Variants in ADAMTS20 observed in about 807,000 individuals in gnomAD.
ADAMTS20 encodes the protein ADAM metallopeptidase with thrombospondin type 1 motif 20, also known as A disintegrin and metalloproteinase with thrombospondin motifs 20.
Under a neutral mutation model 260.1 loss-of-function variants are expected in ADAMTS20, and 225 were observed. The ratio of observed to expected loss-of-function variants is 0.87; its 90% CI spans 0.78 to 0.97. ADAMTS20 has a LOEUF of 0.97. Ranked by LOEUF, ADAMTS20 falls within the 50% of genes least tolerant of loss-of-function variation. ADAMTS20 has a pLI of 0.00. For synonymous variants in ADAMTS20, 802 were observed against 769.5 expected, an observed-to-expected ratio of 1.04 and a Z score of -0.70; for missense variants, 2,400 against 2,337.7, an observed-to-expected ratio of 1.03 and a Z score of -0.55.
At chr12:43,390,167 C>A (rs550399671) in intron 29 of ADAMTS20, among the ~76,000 whole-genome samples, 1 of 152,288 alleles carries the variant, frequency 6.6e-6, no homozygotes, top group East Asian at 1.9e-4. Context: ...GCACTCTGGG[C>A]CTATGCAATC....
chr12:43,434,437 T>G, intron 18 of ADAMTS20, 66 bp from the exon 19 acceptor site: 1 of 1,485,386 alleles, frequency 6.7e-7, no homozygotes, highest in Non-Finnish European at 9.0e-7. Context: ...TCCATAATTA[T>G]GTAATTCTGC....
intron 28 of ADAMTS20, among the ~76,000 whole-genome samples, chr12:43,403,545 T>G (rs1230176327): frequency 6.6e-6 from 1 of 152,152 alleles, no homozygotes; most frequent in Non-Finnish European, 1.5e-5. Flanking sequence ...ATGCATAAAC[T>G]GTGCCCTTTA....
intron 36 of ADAMTS20, among the ~76,000 whole-genome samples, chr12:43,371,071 A>T (rs563935545): frequency 6.6e-6 from 1 of 152,152 alleles, no homozygotes; most frequent in Non-Finnish European, 1.5e-5. Context: ...TTTAGTATGC[A>T]CTGTTCTTCA....
chr12:43,484,373 T>C (rs1942488815), intron 7 of ADAMTS20, among the ~76,000 whole-genome samples: 2 of 152,102 alleles, frequency 1.3e-5, no homozygotes, highest in Admixed American at 1.3e-4. Flanking sequence ...AAAAGGTTGA[T>C]TATTAAGTAA....
chr12:43,468,824 CT>C (rs1942201883), intron 7 of ADAMTS20, 119 bp from the exon 8 acceptor site: 12 of 574,704 alleles, frequency 2.1e-5, no homozygotes, highest in Non-Finnish European at 3.6e-5. Flanking sequence ...GCAGAATTGG[CT>C]GTTAATATTG....
At chr12:43,517,879 T>C (rs560988746) in intron 3 of ADAMTS20, among the ~76,000 whole-genome samples, 3 of 152,252 alleles carry the variant, frequency 2.0e-5, no homozygotes, top group African/African-American at 7.2e-5. Context: ...TAGATACTTC[T>C]TGAATAAATG....
rs548990302 is a variant in ADAMTS20 at position 43,517,654 on chromosome 12, CTT to C, written c.613+14380_613+14381del. 7.2e-5 allele frequency among the ~76,000 whole-genome samples: 11 copies of C among 152,118 alleles called. No individual in the cohort carries two copies. The South Asian group carries it at 2.3e-3, about 32-fold the overall frequency. On this transcript the variant is annotated intron_variant, in intron 3 of 38. Coordinates refer to ENST00000389420, the MANE Select transcript of ADAMTS20 (RefSeq NM_025003.5). ...ACTCAATGAAGTACAATAGATATCT[CTT>C]TTTTTCTTTTGGGAAACAAGATGAT...
intron 7 of ADAMTS20, 109 bp downstream of exon 7, chr12:43,490,282 ATAAT>A (rs764192326): frequency 8.9e-6 from 5 of 564,266 alleles, no homozygotes; most frequent in South Asian, 4.8e-5. Flanking sequence ...ATTTATCAAG[ATAAT>A]TAATCAAAAT....
intron 2 of ADAMTS20, among the ~76,000 whole-genome samples, chr12:43,543,844 G>T (rs1275879385): frequency 6.6e-6 from 1 of 152,000 alleles, no homozygotes; most frequent in Non-Finnish European, 1.5e-5. Context: ...ACATAAAATT[G>T]GTTTGCGTCA....
rs1943226740 is a variant in ADAMTS20 at position 43,531,947 on chromosome 12, T to C, written c.613+89A>G. ...AAATTAATTAAAAATAAATAAAATA[T>C]TGAAGGGAAATATATAAATTATAAC... On this transcript the variant is annotated intron_variant, in intron 3 of 38. Coordinates refer to ENST00000389420, the MANE Select transcript of ADAMTS20 (RefSeq NM_025003.5). 4.7e-6 allele frequency: 4 copies of C among 850,930 alleles called. No individual in the cohort carries two copies. In the South Asian group the frequency reaches 1.8e-4, roughly 38 times the overall value. 52.7% of individuals were successfully genotyped at this position (850,930 alleles called of 1,614,324 possible). A position where few individuals can be genotyped will look rare whatever the true frequency, so the allele number is the denominator to read the frequency against.
At chr12:43,445,045 C>T (rs961148932) in intron 15 of ADAMTS20, among the ~76,000 whole-genome samples, 1 of 152,212 alleles carries the variant, frequency 6.6e-6, no homozygotes, top group Non-Finnish European at 1.5e-5. Context: ...TTACCCACTA[C>T]TTTTACTATT....
chr12:43,504,250 C>T (rs1441902041), intron 3 of ADAMTS20, among the ~76,000 whole-genome samples: 2 of 152,104 alleles, frequency 1.3e-5, no homozygotes, highest in Non-Finnish European at 2.9e-5. Context: ...TAGCAATAGC[C>T]ATTCTGACTG....
At position 43,376,666 on chromosome 12, in the gene ADAMTS20, T is replaced by A. The variant is rs919104251; in HGVS notation, c.4996-13A>T. On this transcript the variant is annotated splice_polypyrimidine_tract_variant and intron_variant, in intron 32 of 38. Coordinates refer to ENST00000389420, the MANE Select transcript of ADAMTS20 (RefSeq NM_025003.5). ...AAGTCACTGAGCACTGTGAAAAGAG[T>A]AAAATTTGAAGGCAAACTATATTAT... 8.8e-6 allele frequency: 14 copies of A among 1,592,618 alleles called. No homozygotes were observed. Among genetic ancestry groups the A allele is most frequent in the Admixed American group, 1.9e-5 (1 of 53,766 alleles).
Position 43,453,939 on chromosome 12 carries a change from G to A in ADAMTS20, c.1728C>T (p.Ile576=), listed in dbSNP as rs774057715. 86 of 1,610,460 alleles carry A rather than the reference G, an allele frequency of 5.3e-5. No individual in the cohort carries two copies. The East Asian group carries it at 1.2e-3, about 23-fold the overall frequency. The change falls in exon 12 of 39, where the codon ATC becomes ATT. Residue 576 remains isoleucine, a synonymous_variant. Transcript: ENST00000389420. The part of the protein sequence containing the change: ...SSCSRTCGGG[I]ESATRRCNRP... ...GATTACAGCGCCTGGTTGCACTTTC[G>A]ATTCCGCCTCCACATGTTCTTGAAC...
At chr12:43,444,277 GGA>G (rs2137334252) in intron 15 of ADAMTS20, among the ~76,000 whole-genome samples, 1 of 151,970 alleles carries the variant, frequency 6.6e-6, no homozygotes, top group Non-Finnish European at 1.5e-5. Flanking sequence ...CACAAGTCCA[GGA>G]GATATTAAAA....
At chr12:43,483,675 T>A (rs897891345) in intron 7 of ADAMTS20, among the ~76,000 whole-genome samples, 2 of 152,124 alleles carry the variant, frequency 1.3e-5, no homozygotes, top group African/African-American at 4.8e-5. Flanking sequence ...GGGTGGTGGA[T>A]CGCTTTCCTG....
At position 43,468,971 on chromosome 12, in the gene ADAMTS20, A is replaced by T. The variant is rs61048847; in HGVS notation, c.1118-266T>A. Among the ~76,000 whole-genome samples, 336 of 152,260 alleles carry T rather than the reference A, an allele frequency of 2.2e-3. 3 individuals carry two copies. Among genetic ancestry groups the T allele is most frequent in the African/African-American group, 7.4e-3 (306 of 41,580 alleles). ...AGCAAACAACTTTTTAAATATTTTTAAAAAATTTTTAAAAAGAAAAGAATA... is the reference window on the plus strand; with the variant it reads ...AGCAAACAACTTTTTAAATATTTTTTAAAAATTTTTAAAAAGAAAAGAATA... On this transcript the variant is annotated intron_variant, in intron 7 of 38. Transcript: ENST00000389420.
chr12:43,460,448 C>T (rs899575464), intron 11 of ADAMTS20, among the ~76,000 whole-genome samples: 3 of 151,992 alleles, frequency 2.0e-5, no homozygotes, highest in South Asian at 2.1e-4. Flanking sequence ...TATCAAAAGT[C>T]GGCAAGAAAT....
At chr12:43,462,597 A>G (rs1942082821) in intron 11 of ADAMTS20, among the ~76,000 whole-genome samples, 1 of 152,210 alleles carries the variant, frequency 6.6e-6, no homozygotes, top group African/African-American at 2.4e-5. Flanking sequence ...GGACTGTTAT[A>G]TCTGTCCTCA....
Sources: allele counts gnomAD v4.1 joint callset (sites outside exome capture counted in the v4.1 genomes callset), GRCh38; gene constraint gnomAD v4.1.1; transcripts MANE v1.5; gene names NCBI Gene and HGNC (gene_info 2026-07-23, HGNC 2026-07-21).